SLIT1: variants seen among roughly 807,000 people sequenced by gnomAD.
SLIT1 encodes the protein slit homolog 1 protein.
SLIT1 carries 66 observed loss-of-function variants against 186.1 expected under a neutral mutation model. That is an observed-to-expected ratio of 0.35 (90% CI 0.29 to 0.44). SLIT1 has a LOEUF of 0.44. Ranked by LOEUF, SLIT1 falls within the 20% of genes least tolerant of loss-of-function variation. The probability of loss-of-function intolerance (pLI) is 1.00; values close to 1 mark genes in which losing one functional copy is unlikely to be tolerated. For synonymous variants in SLIT1, 761 were observed against 833.8 expected (o/e 0.91, Z 1.50); for missense variants, 1,638 against 2,037.4 (o/e 0.80, Z 3.77).
intron 4 of SLIT1, among the ~76,000 whole-genome samples, chr10:97,121,609 C>T (rs114553867): frequency 0.013 from 2,043 of 152,274 alleles, 39 homozygotes; most frequent in African/African-American, 0.046. Flanking sequence ...AGCCAAGATC[C>T]GAACCCAAGT....
chr10:97,099,423 A>G (rs1849327290), intron 4 of SLIT1, among the ~76,000 whole-genome samples: 1 of 151,310 alleles, frequency 6.6e-6, no homozygotes, highest in Non-Finnish European at 1.5e-5. Context: ...TAAAAGTCAA[A>G]ATTGCACAAA....
intron 4 of SLIT1, chr10:97,102,240 G>A (rs1849363995): frequency 6.6e-6 from 1 of 152,080 alleles, no homozygotes; most frequent in Admixed American, 6.6e-5. Flanking sequence ...TGGCCAACGT[G>A]GTGAAACCCT....
chr10:97,033,175 A>G (rs1353914152), intron 23 of SLIT1, among the ~76,000 whole-genome samples: 1 of 151,894 alleles, frequency 6.6e-6, no homozygotes, highest in Non-Finnish European at 1.5e-5. Context: ...CAGCCCCCCA[A>G]GTAGCTGGGA....
At position 97,114,584 on chromosome 10, in the gene SLIT1, A is replaced by G. The variant is rs765042078; in HGVS notation, c.413+43234T>C. Among the ~76,000 whole-genome samples the G allele has an allele frequency of 5.2e-4, 79 of 152,096 alleles. 1 individual carries two copies. The highest frequency in any genetic ancestry group is 9.4e-4 in the Non-Finnish European group (64 of 68,012). ...TGAGGTGGGAGGATCAGTTGAGCCC[A>G]AGAGGTTGAGGCTGCAGTGAGCCAT... On this transcript the variant is annotated intron_variant, in intron 4 of 36. Coordinates refer to ENST00000266058, the MANE Select transcript of SLIT1 (RefSeq NM_003061.3).
intron 4 of SLIT1, among the ~76,000 whole-genome samples, chr10:97,100,801 C>T (rs571553101): frequency 7.9e-5 from 12 of 152,332 alleles, no homozygotes; most frequent in African/African-American, 2.9e-4. Flanking sequence ...GCTCCCACTG[C>T]CACCCGTTGG....
In SLIT1 at chr10:97,099,327, C is replaced by T. The variant is rs116381228; in HGVS notation, c.414-33241G>A. 5.0e-3 allele frequency among the ~76,000 whole-genome samples: 769 copies of T among 152,298 alleles called. 6 individuals are homozygous for T. The highest frequency in any genetic ancestry group is 0.017 in the African/African-American group (723 of 41,560). Reference sequence around the variant, plus strand: ...GAGATGCAGGCAGCACAGGCACCACCGCACCAGGCTGGCCTGCCTCAGGTC... The same window carrying T: ...GAGATGCAGGCAGCACAGGCACCACTGCACCAGGCTGGCCTGCCTCAGGTC... On this transcript the variant is annotated intron_variant, in intron 4 of 36. Transcript: ENST00000266058.
intron 12 of SLIT1, among the ~76,000 whole-genome samples, 175 bp from the exon 13 acceptor site, chr10:97,056,639 C>G (rs2134633762): frequency 6.6e-6 from 1 of 152,332 alleles, no homozygotes; most frequent in Middle Eastern, 3.4e-3. Context: ...GCCCGGAACT[C>G]CGACTGCCTC....
chr10:97,046,965 C>T, intron 17 of SLIT1, 26 bp downstream of exon 17: 1 of 1,587,852 alleles, frequency 6.3e-7, no homozygotes, highest in Non-Finnish European at 8.6e-7. Context: ...TCCCAACAGA[C>T]ACCTTCTCGC....
At position 97,043,209 on chromosome 10, in the gene SLIT1, G is replaced by T; in HGVS notation, c.1998-142C>A. 1 of 1,309,852 alleles carries T rather than the reference G, an allele frequency of 7.6e-7. No individual in the cohort carries two copies. The highest frequency in any genetic ancestry group is 1.1e-6 in the Non-Finnish European group (1 of 934,406). 81.1% of individuals were successfully genotyped at this position (1,309,852 alleles called of 1,614,324 possible). On this transcript the variant is annotated intron_variant, in intron 19 of 36. Transcript: ENST00000266058. The surrounding 1 kb of genome is among the most constrained non-coding windows in gnomAD (Gnocchi z 7.0). ...CCACCACCCATCACCAAGAGGACCG[G>T]CTCTGAGGACCGGAGGGAGACTTCG...
intron 4 of SLIT1, among the ~76,000 whole-genome samples, chr10:97,147,573 G>C (rs959338805): frequency 1.3e-5 from 2 of 151,952 alleles, no homozygotes; most frequent in Admixed American, 1.3e-4. Context: ...GGGAGACCCA[G>C]GTGAGGCAGA....
chr10:97,131,747 T>C (rs1849656393), intron 4 of SLIT1, among the ~76,000 whole-genome samples: 1 of 152,206 alleles, frequency 6.6e-6, no homozygotes, highest in Non-Finnish European at 1.5e-5. Context: ...TGTTTTCCGG[T>C]AGTCATGATA....
chr10:97,182,442 T>C (rs963076921), intron 1 of SLIT1, among the ~76,000 whole-genome samples: 1 of 152,174 alleles, frequency 6.6e-6, no homozygotes, highest in Admixed American at 6.5e-5. Flanking sequence ...GAGAGAGCAT[T>C]TGCCACAGTT....
In SLIT1 at chr10:97,066,061, C is replaced by T. The variant is rs769173850; in HGVS notation, c.439G>A (p.Ala147Thr). The change falls in exon 5 of 37, where the codon GCC becomes ACC. Residue 147 changes from alanine (A) to threonine (T), a missense_variant. Ala to Thr is a moderately conservative substitution (Grantham distance 58, BLOSUM62 0). Around this residue, in one of 3 missense-constraint regions of SLIT1, gnomAD observed 1,245 missense variants for 1,535.3 expected, o/e 0.81. Transcript: ENST00000266058. Reference protein sequence around the residue: ...RLDLSENAIQAIPRKAFRGAT... With the variant: ...RLDLSENAIQTIPRKAFRGAT... ...CCCCGAAAAGCTTTCCTGGGGATGG[C>T]CTGGATGGCGTTCTCACTCAAGTCC... 4 of 1,605,832 alleles carry T rather than the reference C, an allele frequency of 2.5e-6. No homozygotes were observed. The highest frequency in any genetic ancestry group is 1.7e-4 in the Middle Eastern group (1 of 6,054).
chr10:97,001,172 C>T lies in SLIT1; in HGVS notation c.4545G>A (p.Gly1515=), dbSNP rs757149265. The T allele has an allele frequency of 5.0e-6, 8 of 1,613,154 alleles. No homozygotes were observed. The highest frequency in any genetic ancestry group is 5.9e-6 in the Non-Finnish European group (7 of 1,179,880). ...RRKFTFECSD[G]TSFAEEVEKP... is the part of the protein sequence containing the mutation. ...TTTCCACCTCCTCGGCAAAAGAGGT[C>T]CCATCGCTGCACTCAAAGGTGAACT... The change falls in exon 37 of 37, where the codon GGG becomes GGA. Residue 1515 remains glycine, a synonymous_variant. Coordinates refer to ENST00000266058, the MANE Select transcript of SLIT1 (RefSeq NM_003061.3).
intron 4 of SLIT1, among the ~76,000 whole-genome samples, chr10:97,156,424 A>G (rs1210747130): frequency 1.3e-5 from 2 of 152,142 alleles, no homozygotes; most frequent in African/African-American, 2.4e-5. Flanking sequence ...CAAAAAATTA[A>G]AAAATTAGCC....
At chr10:97,088,577 C>T (rs187599764) in intron 4 of SLIT1, among the ~76,000 whole-genome samples, 186 of 152,220 alleles carry the variant, frequency 1.2e-3, no homozygotes, top group African/African-American at 4.2e-3. Flanking sequence ...TACAGCTAAA[C>T]GTACTATACA....
intron 4 of SLIT1, among the ~76,000 whole-genome samples, chr10:97,072,092 C>T (rs1400730958): frequency 1.3e-5 from 2 of 152,168 alleles, no homozygotes; most frequent in African/African-American, 2.4e-5. Flanking sequence ...TGGGAGAAGC[C>T]TCACACAGGC....
At chr10:97,096,379 G>GC (rs1311301645) in intron 4 of SLIT1, among the ~76,000 whole-genome samples, 45 of 151,592 alleles carry the variant, frequency 3.0e-4, no homozygotes, top group Non-Finnish European at 5.7e-4. Context: ...ACGCCCTCGA[G>GC]CCCCCCCGCC....
intron 4 of SLIT1, among the ~76,000 whole-genome samples, chr10:97,077,848 T>G (rs1849060087): frequency 6.6e-6 from 1 of 152,194 alleles, no homozygotes; most frequent in South Asian, 2.1e-4. Flanking sequence ...GGCTCATGCT[T>G]GTAATCCCAG....
Sources: gnomAD v4.1 joint callset for allele counts (sites outside exome capture counted in the v4.1 genomes callset) on GRCh38, gnomAD v4.1.1 for gene constraint, gnomAD v4.1.1 regional missense constraint, Gnocchi (gnomAD v3.1) non-coding constraint, MANE v1.5 for transcripts, NCBI Gene and HGNC (gene_info 2026-07-23, HGNC 2026-07-21) for gene names.